SLC9A9: variants seen among roughly 807,000 people sequenced by gnomAD.
SLC9A9 encodes sodium/hydrogen exchanger 9.
A neutral mutation model predicts 77.8 loss-of-function variants in SLC9A9; 62 were observed. The observed-to-expected ratio is 0.80, with a 90% CI of 0.65 to 0.98. The LOEUF (loss-of-function observed/expected upper bound fraction) is 0.98. Among genes scored for constraint, SLC9A9 ranks in the 50% least tolerant of loss-of-function variants. The pLI, the probability that SLC9A9 is intolerant of heterozygous loss-of-function variation, is 0.00. For missense variants in SLC9A9, 775 were observed against 774.9 expected, an observed-to-expected ratio of 1.00 and a Z score of 0.00; for synonymous variants, 320 against 283.5, an observed-to-expected ratio of 1.13 and a Z score of -1.29.
At chr3:143,793,604 G>T (rs534935403) in intron 4 of SLC9A9, among the ~76,000 whole-genome samples, 5 of 152,318 alleles carry the variant, frequency 3.3e-5, no homozygotes, top group Admixed American at 3.3e-4. Flanking sequence ...GGATGTTTAT[G>T]AATTCAAGAG....
At chr3:143,295,641 C>T (rs945655594) in intron 14 of SLC9A9, among the ~76,000 whole-genome samples, 2 of 152,208 alleles carry the variant, frequency 1.3e-5, no homozygotes, top group African/African-American at 4.8e-5. Flanking sequence ...ATGTCATTAA[C>T]TGACAATGAG....
intron 11 of SLC9A9, among the ~76,000 whole-genome samples, chr3:143,467,956 C>T (rs184753724): frequency 3.8e-4 from 58 of 152,240 alleles, no homozygotes; most frequent in African/African-American, 1.3e-3. Context: ...TTTTTTAACC[C>T]AGCAAAAGTT....
At chr3:143,491,722 C>T (rs770385481) in intron 11 of SLC9A9, among the ~76,000 whole-genome samples, 71 of 152,296 alleles carry the variant, frequency 4.7e-4, no homozygotes, top group South Asian at 1.0e-3. Context: ...ACATGATTAT[C>T]TAAGGCCTTA....
intron 4 of SLC9A9, among the ~76,000 whole-genome samples, chr3:143,776,526 T>C (rs530051668): frequency 6.6e-6 from 1 of 152,368 alleles, no homozygotes; most frequent in African/African-American, 2.4e-5. Context: ...TAATTTGTGA[T>C]ATTCTTTCCT....
chr3:143,555,594 C>CT (rs1434613327), intron 8 of SLC9A9, among the ~76,000 whole-genome samples: 1 of 152,190 alleles, frequency 6.6e-6, no homozygotes, highest in Non-Finnish European at 1.5e-5. Flanking sequence ...CATCCCTGTG[C>CT]TTTTCTGCCT....
In SLC9A9 at chr3:143,299,547, C is replaced by T. The variant is rs146906261; in HGVS notation, c.1605-30567G>A. Among the ~76,000 whole-genome samples, 1,308 of 152,006 alleles carry T rather than the reference C, an allele frequency of 8.6e-3. 28 individuals carry two copies. Among genetic ancestry groups the T allele is most frequent in the African/African-American group, 0.03 (1,236 of 41,448 alleles). ...CAACCTCCGCCTCCTGGGTTCATGC[C>T]ATTCTCCTGCCTCAGCCTCCCCAGT... On this transcript the variant is annotated intron_variant, in intron 14 of 15. Coordinates refer to ENST00000316549, the MANE Select transcript of SLC9A9 (RefSeq NM_173653.4).
intron 9 of SLC9A9, among the ~76,000 whole-genome samples, chr3:143,519,478 C>T (rs1375668711): frequency 6.6e-6 from 1 of 152,098 alleles, no homozygotes; most frequent in African/African-American, 2.4e-5. Flanking sequence ...GAATCAGGAA[C>T]CAGGTGACCT....
chr3:143,295,622 C>A (rs1195879294), intron 14 of SLC9A9, among the ~76,000 whole-genome samples: 1 of 152,150 alleles, frequency 6.6e-6, no homozygotes, highest in African/African-American at 2.4e-5. Flanking sequence ...TATCACGAAC[C>A]CACAGAGGAT....
At chr3:143,752,422 G>T (rs921763781) in intron 4 of SLC9A9, among the ~76,000 whole-genome samples, 3 of 152,208 alleles carry the variant, frequency 2.0e-5, no homozygotes, top group African/African-American at 4.8e-5. Flanking sequence ...TTTAACACAA[G>T]AGATGCTCAC....
In SLC9A9 at chr3:143,848,283, A is replaced by G. The variant is rs751460811; in HGVS notation, c.40T>C (p.Tyr14His). The change falls in exon 1 of 16, where the codon TAT becomes CAT. Residue 14 changes from tyrosine (Y) to histidine (H), a missense_variant. Transcript: ENST00000316549. ...ACCGCTCCCTGATGTTGAAACTGAT[A>G]CTCATCCTTTTCTGACATAACCCTT... ...QSRVMSEKDE[Y>H]QFQHQGAVEL... 1.2e-6 allele frequency: 2 copies of G among 1,613,936 alleles called. No individual in the cohort carries two copies. Among genetic ancestry groups the G allele is most frequent in the Non-Finnish European group, 1.7e-6 (2 of 1,179,890 alleles).
At chr3:143,581,012 A>T (rs1235958180) in intron 6 of SLC9A9, among the ~76,000 whole-genome samples, 1 of 152,270 alleles carries the variant, frequency 6.6e-6, no homozygotes, top group Non-Finnish European at 1.5e-5. Flanking sequence ...TGCAAAGCAT[A>T]ACTCGGCAGG....
chr3:143,417,151 A>T (rs949417467), intron 12 of SLC9A9, among the ~76,000 whole-genome samples: 1 of 152,070 alleles, frequency 6.6e-6, no homozygotes, highest in Non-Finnish European at 1.5e-5. Context: ...GAGAGAATCT[A>T]TTGCTCAGGG....
At chr3:143,579,408 G>A (rs1233894406) in intron 6 of SLC9A9, among the ~76,000 whole-genome samples, 1 of 152,036 alleles carries the variant, frequency 6.6e-6, no homozygotes, top group Non-Finnish European at 1.5e-5. Context: ...TCCACCAATA[G>A]GCAGTCTGTT....
intron 14 of SLC9A9, among the ~76,000 whole-genome samples, chr3:143,339,266 A>C (rs772206634): frequency 1.3e-5 from 2 of 152,152 alleles, no homozygotes; most frequent in Non-Finnish European, 2.9e-5. Flanking sequence ...GGTTCATCGC[A>C]TGGCCCCTTG....
At chr3:143,817,513 A>G (rs925419492) in intron 2 of SLC9A9, among the ~76,000 whole-genome samples, 1 of 152,188 alleles carries the variant, frequency 6.6e-6, no homozygotes, top group Admixed American at 6.5e-5. Context: ...TTTTGGTGAT[A>G]TCTTTAAAAA....
At position 143,739,816 on chromosome 3, in the gene SLC9A9, T is replaced by G. The variant is rs74789949; in HGVS notation, c.534-46509A>C. On this transcript the variant is annotated intron_variant, in intron 4 of 15. Coordinates refer to ENST00000316549, the MANE Select transcript of SLC9A9 (RefSeq NM_173653.4). ...GCTTCAGTATCTCCTGGGAATTTGT[T>G]AGAAATGAAAACTCTCAGGCCCCAC... Among the ~76,000 whole-genome samples, 1,101 of 152,324 alleles carry G rather than the reference T, an allele frequency of 7.2e-3. 8 individuals are homozygous for G. The highest frequency in any genetic ancestry group is 0.025 in the African/African-American group (1,033 of 41,576).
At chr3:143,795,541 T>C (rs1014250417) in intron 3 of SLC9A9, among the ~76,000 whole-genome samples, 3 of 152,210 alleles carry the variant, frequency 2.0e-5, no homozygotes, top group African/African-American at 7.2e-5. Context: ...ACTTCTCTTT[T>C]ATATCTTCTG....
At position 143,363,510 on chromosome 3, in the gene SLC9A9, G is replaced by A. The variant is rs1455552607; in HGVS notation, c.1578C>T (p.Phe526=). ...TGTGGTCAAAGCTATACCACATTCTGAAGAGCCGAGCACTCTCTGCTTTCG... is the reference window on the plus strand; with the variant it reads ...TGTGGTCAAAGCTATACCACATTCTAAAGAGCCGAGCACTCTCTGCTTTCG... ...NMTKAESARL[F]RMWYSFDHKY... The change falls in exon 14 of 16, where the codon TTC becomes TTT. Residue 526 remains phenylalanine (F), a synonymous_variant. Coordinates refer to ENST00000316549, the MANE Select transcript of SLC9A9 (RefSeq NM_173653.4). The A allele has an allele frequency of 6.2e-7, 1 of 1,612,954 alleles. No homozygotes were observed. Among genetic ancestry groups the A allele is most frequent in the Non-Finnish European group, 8.5e-7 (1 of 1,179,306 alleles).
rs1837612 is a variant in SLC9A9 at position 143,539,266 on chromosome 3, C to G, written c.1089+13096G>C. Among the ~76,000 whole-genome samples, 3 of 152,034 alleles carry G rather than the reference C, an allele frequency of 2.0e-5. No homozygotes were observed. The South Asian group carries it at 6.2e-4, about 31-fold the overall frequency. On this transcript the variant is annotated intron_variant, in intron 9 of 15. Coordinates refer to ENST00000316549, the MANE Select transcript of SLC9A9 (RefSeq NM_173653.4). ...GTTCTCACTTGTTAGATTTCCCTCT[C>G]GGGTACTTTATTAGGAGTTATATAT... is the stretch of plus-strand genomic sequence containing the variant.
Sources: allele counts gnomAD v4.1 joint callset (sites outside exome capture counted in the v4.1 genomes callset), GRCh38; gene constraint gnomAD v4.1.1; transcripts MANE v1.5; gene names NCBI Gene and HGNC (gene_info 2026-07-23, HGNC 2026-07-21).